The following TMEM53 variants were observed in gnomAD, a reference collection of about 807,000 sequenced individuals.
The protein encoded by TMEM53 is transmembrane protein 53.
In TMEM53, 14 loss-of-function variants were observed where a neutral mutation model predicts 21.4. That is an observed-to-expected ratio of 0.65 (90% CI 0.43 to 1.02). The LOEUF (loss-of-function observed/expected upper bound fraction) is 1.02. Among genes scored for constraint, TMEM53 ranks in the 50% least tolerant of loss-of-function variants. The pLI, the probability that TMEM53 is intolerant of heterozygous loss-of-function variation, is 0.00. For synonymous variants in TMEM53, 148 were observed against 157.4 expected (o/e 0.94, Z 0.45); for missense variants, 323 against 383.6 (o/e 0.84, Z 1.32).
intron 1 of TMEM53, among the ~76,000 whole-genome samples, chr1:44,672,523 C>A (rs758417228): frequency 6.6e-6 from 1 of 152,204 alleles, no homozygotes; most frequent in African/African-American, 2.4e-5. Flanking sequence ...CCTATTGTGG[C>A]TCAAGAAAGG....
At chr1:44,669,292 T>TA in intron 1 of TMEM53, among the ~76,000 whole-genome samples, 1 of 152,368 alleles carries the variant, frequency 6.6e-6, no homozygotes, top group East Asian at 1.9e-4. Flanking sequence ...TCAGAGAGGC[T>TA]ATAGAATGTT....
chr1:44,666,362 A>G (rs111958869), intron 1 of TMEM53, among the ~76,000 whole-genome samples: 2,203 of 152,304 alleles, frequency 0.014, 64 homozygotes, highest in African/African-American at 0.05. Flanking sequence ...ATGATCCCAC[A>G]ATTTCACTAC....
Position 44,653,305 on chromosome 1 carries a change from C to T in TMEM53, c.*1254G>A, listed in dbSNP as rs907107765. 6.6e-6 allele frequency: 1 copy of T among 152,200 alleles called. No individual in the cohort carries two copies. The highest frequency in any genetic ancestry group is 1.9e-4 in the East Asian group (1 of 5,194). The allele number at this position is 152,200 out of a possible 1,614,324, so 9.4% of individuals were successfully genotyped here. A position where few individuals can be genotyped will look rare whatever the true frequency, so the allele number is the denominator to read the frequency against. ...ATATGCCAACATTGTGCAGTAGTGA[C>T]TTCTAGAATGATCAATGATACTGAA... On this transcript the variant is annotated 3_prime_UTR_variant, in exon 3 of 3. Transcript: ENST00000372237.
Position 44,658,701 on chromosome 1 carries a change from G to A in TMEM53, c.183+1473C>T, listed in dbSNP as rs192769412. On this transcript the variant is annotated intron_variant, in intron 2 of 2. Coordinates refer to ENST00000372237, the MANE Select transcript of TMEM53 (RefSeq NM_024587.4). ...CTGGTAGCTGGGACTACAGGTGTGC[G>A]CCACCATGCCTGGCTAATTTTTGTA... 5.9e-5 allele frequency among the ~76,000 whole-genome samples: 9 copies of A among 152,176 alleles called. No homozygotes were observed. In the East Asian group the frequency reaches 1.5e-3, roughly 26 times the overall value.
At chr1:44,673,107 G>A (rs1380181072) in intron 1 of TMEM53, among the ~76,000 whole-genome samples, 2 of 152,234 alleles carry the variant, frequency 1.3e-5, no homozygotes, top group African/African-American at 4.8e-5. Flanking sequence ...TTCATGGCTT[G>A]CTGACGCCAA....
In TMEM53 at chr1:44,654,870, C is replaced by T. The variant is rs149972329; in HGVS notation, c.523G>A (p.Val175Met). Residue 175 changes from valine (V) to methionine (M), a missense_variant, in exon 3 of 3, where the codon GTG becomes ATG. By Grantham distance (21) the Val-to-Met change is conservative. This residue lies in a region of TMEM53 where 269 missense variants were observed against 334.5 expected (regional missense o/e 0.80). Coordinates refer to ENST00000372237, the MANE Select transcript of TMEM53 (RefSeq NM_024587.4). The surrounding 1 kb of genome is among the most constrained non-coding windows in gnomAD (Gnocchi z 7.0). ...AGGACGACCACCAGGGCAAAGGCCA[C>T]CAGCAGCAACAGGCGCAGCATGGCG... is the stretch of plus-strand genomic sequence containing the variant. ...RAAMLRLLLLVAFALVVVLFH... is the reference protein window; with the variant it reads ...RAAMLRLLLLMAFALVVVLFH... 3.6e-4 allele frequency: 576 copies of T among 1,612,710 alleles called. 3 individuals carry two copies. In the African/African-American group the frequency reaches 6.8e-3, roughly 19 times the overall value.
At chr1:44,669,022 G>A (rs1644976006) in intron 1 of TMEM53, among the ~76,000 whole-genome samples, 1 of 152,076 alleles carries the variant, frequency 6.6e-6, no homozygotes, top group Non-Finnish European at 1.5e-5. Context: ...CTGTGAAATG[G>A]GGACAATGAT....
At chr1:44,664,439 C>T (rs1047418611) in intron 1 of TMEM53, among the ~76,000 whole-genome samples, 6 of 142,364 alleles carry the variant, frequency 4.2e-5, no homozygotes, top group Non-Finnish European at 9.1e-5. Context: ...GCAACAAGAG[C>T]GAAACTCCAT....
chr1:44,674,219 G>A, intron 1 of TMEM53, 112 bp downstream of exon 1: 1 of 1,456,246 alleles, frequency 6.9e-7, no homozygotes, highest in Non-Finnish European at 9.1e-7. Flanking sequence ...CCTATGAGGG[G>A]GCGGCCCGAG....
At position 44,671,042 on chromosome 1, in the gene TMEM53, C is replaced by T. The variant is rs144373612; in HGVS notation, c.61+3289G>A. Among the ~76,000 whole-genome samples, 936 of 152,292 alleles carry T rather than the reference C, an allele frequency of 6.1e-3. 9 individuals carry two copies. Among genetic ancestry groups the T allele is most frequent in the Non-Finnish European group, 8.2e-3 (561 of 68,016 alleles). On this transcript the variant is annotated intron_variant, in intron 1 of 2. Transcript: ENST00000372237. The stretch of plus-strand genomic sequence containing the variant: ...ATTCAGCTCACTTGGTACATCATCC[C>T]TCCCAGGCCCTGGTGACAGTGAGTG...
At chr1:44,671,937 A>G (rs1389895196) in intron 1 of TMEM53, among the ~76,000 whole-genome samples, 1 of 152,250 alleles carries the variant, frequency 6.6e-6, no homozygotes, top group Non-Finnish European at 1.5e-5. Flanking sequence ...TCAAAAAAAA[A>G]AGTTTTTAAA....
chr1:44,657,831 G>A (rs1354778265), intron 2 of TMEM53, among the ~76,000 whole-genome samples: 1 of 152,038 alleles, frequency 6.6e-6, no homozygotes, highest in African/African-American at 2.4e-5. Flanking sequence ...ATGAGCCACA[G>A]CATCCACCTT....
chr1:44,667,874 C>G (rs969845470), intron 1 of TMEM53, among the ~76,000 whole-genome samples: 1 of 152,104 alleles, frequency 6.6e-6, no homozygotes, highest in African/African-American at 2.4e-5. Context: ...TAGCACTTCT[C>G]GAGTACCCCA....
chr1:44,660,078 G>T, intron 2 of TMEM53, 96 bp downstream of exon 2: 1 of 1,450,278 alleles, frequency 6.9e-7, no homozygotes, highest in South Asian at 1.4e-5. Context: ...GGCTGGTCTC[G>T]AACTCTAGAG....
chr1:44,668,803 A>G (rs990332962), intron 1 of TMEM53, among the ~76,000 whole-genome samples: 5 of 152,224 alleles, frequency 3.3e-5, no homozygotes, highest in African/African-American at 1.2e-4. Flanking sequence ...TCGGCCTCCC[A>G]AAGTGTTGGG....
rs1373477822 is a variant in TMEM53 at position 44,658,844 on chromosome 1, G to A, written c.183+1330C>T. Among the ~76,000 whole-genome samples, 4 of 152,226 alleles carry A rather than the reference G, an allele frequency of 2.6e-5. 1 individual carries two copies. Among genetic ancestry groups the A allele is most frequent in the South Asian group, 4.1e-4 (2 of 4,820 alleles). ...TGGGATTATAGACATGAGTCACTGC[G>A]CCAGGCCAAAAGGGACTTTCTGATT... On this transcript the variant is annotated intron_variant, in intron 2 of 2. Transcript: ENST00000372237.
chr1:44,670,605 T>C (rs562634663), intron 1 of TMEM53, among the ~76,000 whole-genome samples: 244 of 152,292 alleles, frequency 1.6e-3, no homozygotes, highest in Non-Finnish European at 2.4e-3. Flanking sequence ...TTCAGCACTG[T>C]CTCCTGGGTG....
In TMEM53 at chr1:44,654,442, C is replaced by T. The variant is rs967425602; in HGVS notation, c.*117G>A. 8.7e-6 allele frequency: 11 copies of T among 1,270,338 alleles called. No individual in the cohort carries two copies. The African/African-American group carries it at 1.5e-4, about 17-fold the overall frequency. 78.7% of individuals were successfully genotyped at this position (1,270,338 alleles called of 1,614,324 possible). A position where few individuals can be genotyped will look rare whatever the true frequency, so the allele number is the denominator to read the frequency against. ...CCATAGGAATTTTCTACTTAGGGGA[C>T]CGCAAAGTCCCAAAGGGCTACAGGG... On this transcript the variant is annotated 3_prime_UTR_variant, in exon 3 of 3. Transcript: ENST00000372237. The surrounding 1 kb of genome is among the most constrained non-coding windows in gnomAD (Gnocchi z 7.0).
rs1644838418 is a variant in TMEM53 at position 44,655,186 on chromosome 1, T to A, written c.207A>T (p.Thr69=). The part of the protein sequence containing the change: ...HKRGCIVIRY[T]APWHMVFFSE... ...AGAAGAAGACCATGTGCCACGGGGC[T>A]GTGTATCGGATTACGATGCAGCCCT... Residue 69 remains threonine (T), a synonymous_variant, in exon 3 of 3, where the codon ACA becomes ACT. Transcript: ENST00000372237. The surrounding 1 kb of genome is among the most constrained non-coding windows in gnomAD (Gnocchi z 4.4). 1.2e-6 allele frequency: 2 copies of A among 1,610,362 alleles called. No homozygotes were observed. The highest frequency in any genetic ancestry group is 1.7e-6 in the Non-Finnish European group (2 of 1,178,208).
Sources: allele counts gnomAD v4.1 joint callset (sites outside exome capture counted in the v4.1 genomes callset), GRCh38; gene constraint gnomAD v4.1.1; regional missense constraint gnomAD v4.1.1; non-coding constraint Gnocchi (gnomAD v3.1); transcripts MANE v1.5; gene names NCBI Gene and HGNC (gene_info 2026-07-23, HGNC 2026-07-21).